Variants in DEK observed in about 807,000 individuals in gnomAD.
DEK encodes the protein DEK proto-oncogene, also known as protein DEK.
In DEK, 28 loss-of-function variants were observed where a neutral mutation model predicts 46.8. The ratio of observed to expected loss-of-function variants is 0.60; its 90% CI spans 0.44 to 0.82. DEK has a LOEUF of 0.82. Among genes scored for constraint, DEK ranks in the 40% least tolerant of loss-of-function variants. DEK has a pLI of 0.00. For missense variants in DEK, 416 were observed against 430.6 expected (o/e 0.97, Z 0.30); for synonymous variants, 160 against 144.5 (o/e 1.11, Z -0.77).
intron 2 of DEK, among the ~76,000 whole-genome samples, chr6:18,262,487 TACA>T (rs967702973): frequency 5.0e-4 from 76 of 152,326 alleles, no homozygotes; most frequent in African/African-American, 1.7e-3. Flanking sequence ...ATAAAATTTC[TACA>T]ACATCATGTT....
intron 4 of DEK, among the ~76,000 whole-genome samples, chr6:18,256,667 AT>A (rs1359730114): frequency 6.6e-6 from 1 of 152,244 alleles, no homozygotes; most frequent in Admixed American, 6.5e-5. Context: ...TATTAACATT[AT>A]AAAAATCCTA....
chr6:18,226,130 G>A, intron 10 of DEK, 44 bp downstream of exon 10: 1 of 1,220,158 alleles, frequency 8.2e-7, no homozygotes, highest in Non-Finnish European at 1.1e-6. Context: ...AATTACTTTT[G>A]TCTTATATTT....
intron 9 of DEK, among the ~76,000 whole-genome samples, chr6:18,230,047 A>C (rs1173200937): frequency 6.6e-6 from 1 of 152,270 alleles, no homozygotes; most frequent in Non-Finnish European, 1.5e-5. Flanking sequence ...AAACTCTACA[A>C]GCCAGAATAG....
At chr6:18,254,155 ACC>A (rs1791506764) in intron 6 of DEK, among the ~76,000 whole-genome samples, 1 of 152,060 alleles carries the variant, frequency 6.6e-6, no homozygotes, top group Non-Finnish European at 1.5e-5. Flanking sequence ...ACATGGCAAA[ACC>A]CCGTCTCTAT....
At chr6:18,242,199 C>T (rs1056373628) in intron 7 of DEK, among the ~76,000 whole-genome samples, 1 of 152,110 alleles carries the variant, frequency 6.6e-6, no homozygotes, top group African/African-American at 2.4e-5. Context: ...CGTGAAACCC[C>T]GTCTCTACAA....
chr6:18,250,091 T>C (rs1791301594), intron 6 of DEK, among the ~76,000 whole-genome samples: 1 of 152,202 alleles, frequency 6.6e-6, no homozygotes, highest in Admixed American at 6.5e-5. Flanking sequence ...GGTTCTGACA[T>C]GGGACTAGAA....
At chr6:18,228,823 G>A (rs989197368) in intron 9 of DEK, among the ~76,000 whole-genome samples, 6 of 152,374 alleles carry the variant, frequency 3.9e-5, no homozygotes, top group Admixed American at 2.0e-4. Flanking sequence ...GCAAGGCTGG[G>A]GGAGGGGCGC....
chr6:18,252,774 T>C (rs1480956132), intron 6 of DEK, among the ~76,000 whole-genome samples: 1 of 152,132 alleles, frequency 6.6e-6, no homozygotes, highest in East Asian at 1.9e-4. Flanking sequence ...TTTGTACTAA[T>C]TGCAAAAGCA....
In DEK at chr6:18,257,935, A is replaced by T. The variant is rs751954623; in HGVS notation, c.357+18T>A. The T allele has an allele frequency of 4.5e-6, 7 of 1,546,248 alleles. No homozygotes were observed. The South Asian group carries it at 7.2e-5, about 16-fold the overall frequency. The stretch of plus-strand genomic sequence containing the variant: ...TGAAGTAATATACAAGTAGGTTTAA[A>T]GTGTAAAAAGGTCTTACAGTGCCTG... On this transcript the variant is annotated intron_variant, in intron 4 of 10. Transcript: ENST00000652689.
At chr6:18,241,492 A>G (rs1790892252) in intron 7 of DEK, among the ~76,000 whole-genome samples, 1 of 152,170 alleles carries the variant, frequency 6.6e-6, no homozygotes, top group Non-Finnish European at 1.5e-5. Flanking sequence ...CCATACTCTC[A>G]AAGTACTTGG....
At position 18,263,805 on chromosome 6, in the gene DEK, T is replaced by A. The variant is rs753819014; in HGVS notation, c.145+38A>T. On this transcript the variant is annotated intron_variant, in intron 2 of 10. Transcript: ENST00000652689. ...GGTGAAAAATACAAAAAAACTTCGG[T>A]CTGAAAAATTCATCAGTTGGGATGC... is the stretch of plus-strand genomic sequence containing the variant. 3.1e-6 allele frequency: 5 copies of A among 1,610,832 alleles called. No homozygotes were observed. In the Admixed American group the frequency reaches 8.4e-5, roughly 27 times the overall value.
intron 8 of DEK, 68 bp downstream of exon 8, chr6:18,237,310 AAAT>A: frequency 6.7e-7 from 1 of 1,502,950 alleles, no homozygotes; most frequent in African/African-American, 1.4e-5. Context: ...CCACACACTT[AAAT>A]ACTATGTACA....
intron 9 of DEK, among the ~76,000 whole-genome samples, chr6:18,233,610 C>G (rs1018376506): frequency 3.6e-4 from 55 of 152,186 alleles, no homozygotes; most frequent in Admixed American, 2.2e-3. Context: ...CTCATCATCA[C>G]TGGCCATCAG....
rs553658355 is a variant in DEK, at chr6:18,225,569, A to G, written c.*150T>C. ...TTTAAAACAGCAAACTCAAATTCAC[A>G]TAACACTCAAGATAAAAAGGTCAGC... is the stretch of plus-strand genomic sequence containing the variant. On this transcript the variant is annotated 3_prime_UTR_variant, in exon 11 of 11. Coordinates refer to ENST00000652689, the MANE Select transcript of DEK (RefSeq NM_003472.4). 5.9e-5 allele frequency: 46 copies of G among 774,712 alleles called. No homozygotes were observed. The highest frequency in any genetic ancestry group is 5.5e-4 in the African/African-American group (31 of 56,366). The allele number at this position is 774,712 out of a possible 1,614,324, so 48.0% of individuals were successfully genotyped here. A position where few individuals can be genotyped will look rare whatever the true frequency, so the allele number is the denominator to read the frequency against.
intron 7 of DEK, among the ~76,000 whole-genome samples, chr6:18,239,361 T>TTA (rs1554159249): frequency 9.5e-4 from 115 of 120,468 alleles, no homozygotes; most frequent in Non-Finnish European, 1.7e-3. Flanking sequence ...TTTTTTTTTT[T>TTA]AAAAAAAAGA....
chr6:18,228,935 C>T (rs991447400), intron 9 of DEK, among the ~76,000 whole-genome samples: 3 of 152,166 alleles, frequency 2.0e-5, no homozygotes, highest in Non-Finnish European at 4.4e-5. Context: ...CTGTAGACTC[C>T]ACCTCTGACA....
intron 10 of DEK, 39 bp downstream of exon 10, chr6:18,226,135 A>G (rs766446377): frequency 2.4e-6 from 3 of 1,241,504 alleles, no homozygotes; most frequent in East Asian, 6.0e-5. Flanking sequence ...CTTTTGTCTT[A>G]TATTTCTAAA....
intron 7 of DEK, 72 bp from the exon 8 acceptor site, chr6:18,237,588 C>T (rs1264396731): frequency 2.0e-6 from 3 of 1,493,346 alleles, no homozygotes; most frequent in African/African-American, 1.4e-5. Flanking sequence ...CCTCTACTTC[C>T]CCTATGCCCC....
In DEK at chr6:18,224,868, C is replaced by A. The variant is rs1368787079; in HGVS notation, c.*851G>T. The A allele has an allele frequency of 1.9e-5, 4 of 211,132 alleles. No individual in the cohort carries two copies. The highest frequency in any genetic ancestry group is 3.8e-5 in the Non-Finnish European group (4 of 103,924). The allele number at this position is 211,132 out of a possible 1,614,324, so 13.1% of individuals were successfully genotyped here. ...TTTGATAGGTTGATTTTTGGTCTGT[C>A]CTTATATAATATAAAACGTACCTAC... is the stretch of plus-strand genomic sequence containing the variant. On this transcript the variant is annotated 3_prime_UTR_variant, in exon 11 of 11. Transcript: ENST00000652689.
Sources: gnomAD v4.1 joint callset for allele counts (sites outside exome capture counted in the v4.1 genomes callset) on GRCh38, gnomAD v4.1.1 for gene constraint, MANE v1.5 for transcripts, NCBI Gene and HGNC (gene_info 2026-07-23, HGNC 2026-07-21) for gene names.